The following SLC25A24 variants were observed in gnomAD, a reference collection of about 807,000 sequenced individuals.
The protein encoded by SLC25A24 is solute carrier family 25 member 24, also known as mitochondrial adenyl nucleotide antiporter SLC25A24.
A neutral mutation model predicts 60.7 loss-of-function variants in SLC25A24; 49 were observed. That is an observed-to-expected ratio of 0.81 (90% CI 0.64 to 1.02). The LOEUF (loss-of-function observed/expected upper bound fraction) is 1.02. Ranked by LOEUF, SLC25A24 falls within the 50% of genes least tolerant of loss-of-function variation. The probability of loss-of-function intolerance (pLI) is 0.00; values close to 1 mark genes in which losing one functional copy is unlikely to be tolerated. For synonymous variants in SLC25A24, 202 were observed against 200.6 expected (o/e 1.01, Z -0.06); for missense variants, 564 against 586.3 (o/e 0.96, Z 0.39).
At chr1:108,176,248 T>C (rs1205294376) in intron 3 of SLC25A24, among the ~76,000 whole-genome samples, 4 of 151,838 alleles carry the variant, frequency 2.6e-5, no homozygotes, top group Non-Finnish European at 4.4e-5. Context: ...AAATGCAATA[T>C]GGGAGCATCA....
At chr1:108,178,714 T>G (rs1033793489) in intron 3 of SLC25A24, among the ~76,000 whole-genome samples, 2 of 151,512 alleles carry the variant, frequency 1.3e-5, no homozygotes, top group African/African-American at 4.9e-5. Context: ...CTCGGGAGGC[T>G]GAGGCAGGAG....
intron 1 of SLC25A24, chr1:108,199,744 C>T: frequency 1.7e-6 from 1 of 593,890 alleles, no homozygotes; most frequent in South Asian, 2.0e-5. Context: ...GGACAAATAC[C>T]AGTAGACTTT....
At chr1:108,148,418 T>C in intron 6 of SLC25A24, 32 bp from the exon 7 acceptor site, 1 of 1,227,118 alleles carries the variant, frequency 8.1e-7, no homozygotes, top group Non-Finnish European at 1.2e-6. Context: ...TGCACATTAC[T>C]ACCTGCTGTG....
intron 3 of SLC25A24, 74 bp from the exon 4 acceptor site, chr1:108,161,367 A>G: frequency 1.3e-6 from 1 of 769,532 alleles, no homozygotes; most frequent in South Asian, 1.6e-5. Flanking sequence ...GCCACTTTAC[A>G]GAATGACAGT....
chr1:108,149,795 C>A (rs1679708852), intron 6 of SLC25A24, among the ~76,000 whole-genome samples: 2 of 152,194 alleles, frequency 1.3e-5, no homozygotes, highest in African/African-American at 4.8e-5. Flanking sequence ...CCTTCCCCTA[C>A]ATGATCCATC....
intron 6 of SLC25A24, among the ~76,000 whole-genome samples, chr1:108,150,532 T>G (rs1679728728): frequency 6.6e-6 from 1 of 152,128 alleles, no homozygotes; most frequent in Non-Finnish European, 1.5e-5. Context: ...TCCTCCAGCT[T>G]CCAATACCAC....
intron 1 of SLC25A24, among the ~76,000 whole-genome samples, chr1:108,186,665 G>A (rs1648135226): frequency 6.6e-6 from 1 of 152,128 alleles, no homozygotes. Context: ...ATAGCAAACT[G>A]TAAGCCCTCT....
rs145599040 is a variant in SLC25A24 at position 108,143,341 on chromosome 1, A to G, written c.1098+202T>C. On this transcript the variant is annotated intron_variant, in intron 8 of 9. Transcript: ENST00000565488. ...ACTTTGAGTCTACTCTTCATTAACA[A>G]AAGCAATTCCCAAGAAAATCTAATA... Among the ~76,000 whole-genome samples, 297 of 152,324 alleles carry G rather than the reference A, an allele frequency of 1.9e-3. 1 individual carries two copies. The highest frequency in any genetic ancestry group is 3.6e-3 in the Non-Finnish European group (245 of 68,036).
chr1:108,139,476 CA>C (rs1679386275), intron 8 of SLC25A24, among the ~76,000 whole-genome samples: 1 of 152,164 alleles, frequency 6.6e-6, no homozygotes, highest in African/African-American at 2.4e-5. Flanking sequence ...ATCTAAAGAA[CA>C]CCTCTTATGG....
intron 5 of SLC25A24, among the ~76,000 whole-genome samples, chr1:108,156,957 T>C (rs1305406772): frequency 6.6e-6 from 1 of 152,190 alleles, no homozygotes; most frequent in Non-Finnish European, 1.5e-5. Context: ...AGTGAGCAAA[T>C]ACATATTAAT....
At chr1:108,169,884 A>T (rs1647386322) in intron 3 of SLC25A24, among the ~76,000 whole-genome samples, 1 of 152,078 alleles carries the variant, frequency 6.6e-6, no homozygotes, top group African/African-American at 2.4e-5. Context: ...AAAAGTCCTT[A>T]TGTGCCTATT....
intron 8 of SLC25A24, 33 bp from the exon 9 acceptor site, chr1:108,139,241 G>A (rs1290376452): frequency 7.7e-6 from 12 of 1,564,990 alleles, no homozygotes; most frequent in South Asian, 7.2e-5. Flanking sequence ...AATAATTAAC[G>A]AACTCTACAA....
At chr1:108,182,593 G>A (rs1233578295) in intron 2 of SLC25A24, among the ~76,000 whole-genome samples, 1 of 152,118 alleles carries the variant, frequency 6.6e-6, no homozygotes, top group Non-Finnish European at 1.5e-5. Flanking sequence ...AGCACTTTTG[G>A]AGGCTGAGGC....
At chr1:108,180,616 ATCTCTCTC>A (rs3043349) in intron 3 of SLC25A24, among the ~76,000 whole-genome samples, 3,235 of 61,460 alleles carry the variant, frequency 0.053, 104 homozygotes, top group East Asian at 0.24. Flanking sequence ...CAAGAGAAAG[ATCTCTCTC>A]TCTCTCTCTC....
At chr1:108,164,488 C>T (rs1680186851) in intron 3 of SLC25A24, among the ~76,000 whole-genome samples, 2 of 152,232 alleles carry the variant, frequency 1.3e-5, no homozygotes, top group South Asian at 2.1e-4. Flanking sequence ...TTGGTCTATT[C>T]AGAAATTCAA....
At chr1:108,156,450 T>C (rs1297395130) in intron 5 of SLC25A24, among the ~76,000 whole-genome samples, 3 of 152,216 alleles carry the variant, frequency 2.0e-5, no homozygotes, top group Non-Finnish European at 4.4e-5. Context: ...CTACTGTTCC[T>C]AAAGAAAAAC....
At chr1:108,169,301 T>C (rs1647360026) in intron 3 of SLC25A24, among the ~76,000 whole-genome samples, 1 of 152,134 alleles carries the variant, frequency 6.6e-6, no homozygotes, top group Non-Finnish European at 1.5e-5. Flanking sequence ...CCTTTGCTCT[T>C]TGATATAAAT....
intron 1 of SLC25A24, among the ~76,000 whole-genome samples, chr1:108,188,306 T>C (rs2101643961): frequency 6.6e-6 from 1 of 152,196 alleles, no homozygotes; most frequent in South Asian, 2.1e-4. Flanking sequence ...GGTTCAATTG[T>C]ACCCCAAACC....
chr1:108,178,303 A>G (rs1359388271), intron 3 of SLC25A24, among the ~76,000 whole-genome samples: 1 of 152,238 alleles, frequency 6.6e-6, no homozygotes, highest in East Asian at 1.9e-4. Flanking sequence ...ATCTCAACAG[A>G]AAATCAGTAA....
Sources: allele counts gnomAD v4.1 joint callset (sites outside exome capture counted in the v4.1 genomes callset), GRCh38; gene constraint gnomAD v4.1.1; transcripts MANE v1.5; gene names NCBI Gene and HGNC (gene_info 2026-07-23, HGNC 2026-07-21).